The following TMEM132B variants were observed in gnomAD, a reference collection of about 807,000 sequenced individuals.
TMEM132B encodes the protein transmembrane protein 132B.
A neutral mutation model predicts 90.8 loss-of-function variants in TMEM132B; 18 were observed. That is an observed-to-expected ratio of 0.20 (90% CI 0.14 to 0.29). TMEM132B has a LOEUF of 0.29. Ranked by LOEUF, TMEM132B falls within the 10% of genes least tolerant of loss-of-function variation. TMEM132B has a pLI of 1.00. For missense variants in TMEM132B, 1,096 were observed against 1,326.8 expected, an observed-to-expected ratio of 0.83 and a Z score of 2.70; for synonymous variants, 504 against 523.3, an observed-to-expected ratio of 0.96 and a Z score of 0.50.
intron 6 of TMEM132B, among the ~76,000 whole-genome samples, chr12:125,645,578 A>G (rs1169119278): frequency 1.3e-5 from 2 of 152,224 alleles, no homozygotes; most frequent in African/African-American, 2.4e-5. Context: ...ATAGGGCCTC[A>G]GTTCTATAAC....
intron 3 of TMEM132B, among the ~76,000 whole-genome samples, chr12:125,478,629 G>A (rs1056691196): frequency 3.3e-5 from 5 of 152,170 alleles, no homozygotes; most frequent in Non-Finnish European, 7.3e-5. Context: ...CCAAATCTAC[G>A]TCTGATTCGT....
chr12:125,323,728 A>C (rs1876489474), intron 1 of TMEM132B, among the ~76,000 whole-genome samples: 1 of 152,184 alleles, frequency 6.6e-6, no homozygotes. Flanking sequence ...CACGTTGGTC[A>C]GGCTGGTCTC....
At chr12:125,215,317 G>T (rs900474360) in intron 1 of TMEM132B, among the ~76,000 whole-genome samples, 1 of 152,150 alleles carries the variant, frequency 6.6e-6, no homozygotes, top group Non-Finnish European at 1.5e-5. Flanking sequence ...TCAGAAATGG[G>T]TGTCACCCAG....
Position 125,642,714 on chromosome 12 carries a change from A to G in TMEM132B, c.1438-1362A>G, listed in dbSNP as rs932715267. On this transcript the variant is annotated intron_variant, in intron 5 of 8. Transcript: ENST00000682704. ...CTCAATGATTTCAGCAGATCTCCCAATGAGCAGCCTATGTTAATTATACTT... is the reference window on the plus strand; with the variant it reads ...CTCAATGATTTCAGCAGATCTCCCAGTGAGCAGCCTATGTTAATTATACTT... Among the ~76,000 whole-genome samples the G allele has an allele frequency of 2.0e-5, 3 of 152,244 alleles. No homozygotes were observed. The East Asian group carries it at 5.8e-4, about 29-fold the overall frequency.
In TMEM132B at chr12:125,415,782, G is replaced by A. The variant is rs545197845; in HGVS notation, c.1106+105G>A. 26 of 1,360,538 alleles carry A rather than the reference G, an allele frequency of 1.9e-5. 1 individual carries two copies. In the South Asian group the frequency reaches 2.4e-4, roughly 12 times the overall value. 84.3% of individuals were successfully genotyped at this position (1,360,538 alleles called of 1,614,324 possible). On this transcript the variant is annotated intron_variant, in intron 3 of 8. Transcript: ENST00000682704. This position sits in a 1 kb window ranked among gnomAD's most constrained non-coding sequence, Gnocchi z 5.3. ...CGTGTGGATAAAGCGATGCCTCTGC[G>A]TTTAATGAGAAATGATTTTTGAGGT...
At chr12:125,319,298 GAACAGTC>G (rs1477025434) in intron 1 of TMEM132B, among the ~76,000 whole-genome samples, 12 of 152,226 alleles carry the variant, frequency 7.9e-5, no homozygotes, top group African/African-American at 2.9e-4. Context: ...TGATGATAGT[GAACAGTC>G]ATTCCATCCA....
chr12:125,635,294 A>C (rs1278127424), intron 5 of TMEM132B, among the ~76,000 whole-genome samples: 1 of 151,578 alleles, frequency 6.6e-6, no homozygotes, highest in Non-Finnish European at 1.5e-5. Context: ...TCCCTCCCCT[A>C]GCCCCCACCC....
intron 1 of TMEM132B, among the ~76,000 whole-genome samples, chr12:125,278,755 G>C (rs1436504724): frequency 2.6e-5 from 4 of 152,072 alleles, no homozygotes; most frequent in African/African-American, 9.7e-5. Flanking sequence ...TCCATGGAAG[G>C]CTCTGCAAGA....
At chr12:125,335,984 C>G (rs991936867) in intron 1 of TMEM132B, among the ~76,000 whole-genome samples, 2 of 152,130 alleles carry the variant, frequency 1.3e-5, no homozygotes, top group Non-Finnish European at 2.9e-5. Context: ...AAGACTCCCC[C>G]TCAAAGGAAA....
intron 1 of TMEM132B, among the ~76,000 whole-genome samples, chr12:125,311,221 C>T (rs1876115141): frequency 2.0e-5 from 3 of 152,176 alleles, no homozygotes; most frequent in African/African-American, 4.8e-5. Flanking sequence ...TTTGGCATCC[C>T]TGTTTGTTAG....
At chr12:125,223,805 G>T (rs1199784529) in intron 1 of TMEM132B, among the ~76,000 whole-genome samples, 2 of 151,130 alleles carry the variant, frequency 1.3e-5, no homozygotes, top group Middle Eastern at 3.2e-3. Flanking sequence ...TTTTTTTTCA[G>T]AGACAGAGTC....
intron 5 of TMEM132B, among the ~76,000 whole-genome samples, chr12:125,602,321 A>G (rs1163237104): frequency 6.6e-6 from 1 of 152,236 alleles, no homozygotes; most frequent in Non-Finnish European, 1.5e-5. Context: ...ATGCAAATCA[A>G]TAAACATAAT....
intron 4 of TMEM132B, among the ~76,000 whole-genome samples, chr12:125,525,530 C>T (rs932324431): frequency 4.6e-5 from 7 of 152,220 alleles, no homozygotes; most frequent in African/African-American, 1.7e-4. Flanking sequence ...GCAAAGAGAC[C>T]AGATCTTCAG....
chr12:125,540,910 C>A (rs1592982971), intron 4 of TMEM132B, among the ~76,000 whole-genome samples: 1 of 152,230 alleles, frequency 6.6e-6, no homozygotes, highest in African/African-American at 2.4e-5. Context: ...ACCTCCTAAT[C>A]ACTCTCTGTT....
intron 2 of TMEM132B, among the ~76,000 whole-genome samples, chr12:125,382,651 A>C (rs1290369597): frequency 1.3e-5 from 2 of 152,238 alleles, no homozygotes; most frequent in Non-Finnish European, 2.9e-5. Context: ...GCCTTTAAAA[A>C]GTGTAAAAGT....
At chr12:125,617,506 T>C (rs2136961145) in intron 5 of TMEM132B, among the ~76,000 whole-genome samples, 1 of 152,078 alleles carries the variant, frequency 6.6e-6, no homozygotes, top group Admixed American at 6.6e-5. Context: ...CCACCACACC[T>C]GGCCAATTTT....
intron 5 of TMEM132B, among the ~76,000 whole-genome samples, chr12:125,643,270 A>C (rs979592): frequency 0.091 from 13,931 of 152,260 alleles, 1,093 homozygotes; most frequent in Admixed American, 0.27. Context: ...AAGGTTGCAC[A>C]ATACTTTTTA....
chr12:125,436,116 T>C lies in TMEM132B; in HGVS notation c.1106+20439T>C, dbSNP rs112249643. Among the ~76,000 whole-genome samples the C allele has an allele frequency of 3.6e-3, 545 of 152,282 alleles. 2 individuals are homozygous for C. The highest frequency in any genetic ancestry group is 0.011 in the African/African-American group (460 of 41,552). On this transcript the variant is annotated intron_variant, in intron 3 of 8. Coordinates refer to ENST00000682704, the MANE Select transcript of TMEM132B (RefSeq NM_001366854.1). Reference sequence around the variant, plus strand: ...TCCATCTGGTCCCTGTGCGTGGTCATGTTCCAGTGGAAAGTAGAAAGGGTT... The same window carrying C: ...TCCATCTGGTCCCTGTGCGTGGTCACGTTCCAGTGGAAAGTAGAAAGGGTT...
At chr12:125,299,212 A>G (rs1875751058) in intron 1 of TMEM132B, among the ~76,000 whole-genome samples, 1 of 151,906 alleles carries the variant, frequency 6.6e-6, no homozygotes, top group Non-Finnish European at 1.5e-5. Context: ...TGTACCCCCC[A>G]CTGTACTATG....
Sources: allele counts gnomAD v4.1 joint callset (sites outside exome capture counted in the v4.1 genomes callset), GRCh38; gene constraint gnomAD v4.1.1; non-coding constraint Gnocchi (gnomAD v3.1); transcripts MANE v1.5; gene names NCBI Gene and HGNC (gene_info 2026-07-23, HGNC 2026-07-21).